Variants in PDE4B observed in about 807,000 individuals in gnomAD.
PDE4B encodes 3',5'-cyclic-AMP phosphodiesterase 4B.
A neutral mutation model predicts 82.2 loss-of-function variants in PDE4B; 20 were observed. The observed-to-expected ratio is 0.24, with a 90% CI of 0.17 to 0.35. The LOEUF (loss-of-function observed/expected upper bound fraction) is 0.35, where lower values mean the gene tolerates loss of function less well. Among genes scored for constraint, PDE4B ranks in the 10% least tolerant of loss-of-function variants. The probability of loss-of-function intolerance (pLI) is 1.00; values close to 1 mark genes in which losing one functional copy is unlikely to be tolerated. For missense variants in PDE4B, 655 were observed against 907.2 expected (o/e 0.72, Z 3.57); for synonymous variants, 320 against 318.9 (o/e 1.00, Z -0.04).
At chr1:66,187,790 G>A (rs1197981050) in intron 3 of PDE4B, among the ~76,000 whole-genome samples, 1 of 151,670 alleles carries the variant, frequency 6.6e-6, no homozygotes, top group Non-Finnish European at 1.5e-5. Flanking sequence ...ACCAGCTCCT[G>A]GATTCATTGA....
chr1:65,817,032 G>T (rs567334451), intron 1 of PDE4B, among the ~76,000 whole-genome samples: 1 of 152,252 alleles, frequency 6.6e-6, no homozygotes, highest in African/African-American at 2.4e-5. Flanking sequence ...ATTTTTGGGG[G>T]TGCACAATGT....
chr1:66,036,905 C>G (rs572331280), intron 3 of PDE4B, among the ~76,000 whole-genome samples: 1 of 152,114 alleles, frequency 6.6e-6, no homozygotes, highest in East Asian at 1.9e-4. Flanking sequence ...GGGGCCAACA[C>G]AGGCAGATCA....
intron 3 of PDE4B, among the ~76,000 whole-genome samples, chr1:66,140,011 C>T (rs142289411): frequency 3.6e-4 from 55 of 152,318 alleles, no homozygotes; most frequent in African/African-American, 1.2e-3. Flanking sequence ...ATGCTAGCTA[C>T]TGAAGCAGAT....
At chr1:65,829,064 A>G (rs1646051464) in intron 1 of PDE4B, among the ~76,000 whole-genome samples, 1 of 150,776 alleles carries the variant, frequency 6.6e-6, no homozygotes, top group Admixed American at 6.6e-5. Context: ...TACGAACAAC[A>G]ACAACAAAAC....
chr1:66,170,960 C>T (rs1012102863), intron 3 of PDE4B, among the ~76,000 whole-genome samples: 2 of 152,156 alleles, frequency 1.3e-5, no homozygotes, highest in Non-Finnish European at 2.9e-5. Flanking sequence ...TTGAACTGCT[C>T]TGAATGTCAA....
At chr1:66,208,641 A>T (rs1350470050) in intron 3 of PDE4B, among the ~76,000 whole-genome samples, 1 of 152,192 alleles carries the variant, frequency 6.6e-6, no homozygotes, top group East Asian at 1.9e-4. Context: ...CAAAATCTTA[A>T]TTTCCTATAA....
At chr1:65,944,542 T>C (rs1027012349) in intron 3 of PDE4B, among the ~76,000 whole-genome samples, 1 of 151,866 alleles carries the variant, frequency 6.6e-6, no homozygotes, top group East Asian at 1.9e-4. Flanking sequence ...GGCAGATAAA[T>C]TGATAGTTGA....
chr1:66,237,303 A>G (rs774772535), intron 3 of PDE4B, among the ~76,000 whole-genome samples: 1 of 152,222 alleles, frequency 6.6e-6, no homozygotes, highest in African/African-American at 2.4e-5. Context: ...AGGCTGAGGC[A>G]TTGATTTCCA....
At position 66,295,131 on chromosome 1, in the gene PDE4B, G is replaced by A. The variant is rs116043460; in HGVS notation, c.634+29044G>A. Among the ~76,000 whole-genome samples, 746 of 152,278 alleles carry A rather than the reference G, an allele frequency of 4.9e-3. 4 individuals carry two copies. Among genetic ancestry groups the A allele is most frequent in the African/African-American group, 0.017 (714 of 41,562 alleles). On this transcript the variant is annotated intron_variant, in intron 7 of 16. Transcript: ENST00000341517. ...GATCAGGGACTTCGAAGTAGGGGAAGTGTTTAAGAACCTGGGACAGGTTTG... is the reference window on the plus strand; with the variant it reads ...GATCAGGGACTTCGAAGTAGGGGAAATGTTTAAGAACCTGGGACAGGTTTG...
intron 1 of PDE4B, among the ~76,000 whole-genome samples, chr1:65,903,258 C>T (rs1427205746): frequency 1.3e-5 from 2 of 152,064 alleles, no homozygotes; most frequent in African/African-American, 4.8e-5. Context: ...ATATTTGTTC[C>T]TTCTGGCCTC....
intron 3 of PDE4B, among the ~76,000 whole-genome samples, chr1:65,936,236 A>G (rs1360148613): frequency 3.9e-5 from 6 of 151,908 alleles, no homozygotes; most frequent in African/African-American, 1.5e-4. Flanking sequence ...CTTCTGGAAT[A>G]CCTCCTGAAG....
At chr1:66,172,658 T>C (rs1385704448) in intron 3 of PDE4B, among the ~76,000 whole-genome samples, 2 of 152,234 alleles carry the variant, frequency 1.3e-5, no homozygotes, top group Non-Finnish European at 2.9e-5. Flanking sequence ...TATTGTAAGA[T>C]GGTAGCTCAT....
At position 66,107,745 on chromosome 1, in the gene PDE4B, T is replaced by C. The variant is rs116474519; in HGVS notation, c.282-139715T>C. The stretch of plus-strand genomic sequence containing the variant: ...TAGATAAAGTAAGTCTTTCTGAAGA[T>C]TGGATACTGTAAAATCCAAAACTAT... On this transcript the variant is annotated intron_variant, in intron 3 of 16. Coordinates refer to ENST00000341517, the MANE Select transcript of PDE4B (RefSeq NM_002600.4). 3.6e-3 allele frequency among the ~76,000 whole-genome samples: 545 copies of C among 152,034 alleles called. 6 individuals are homozygous for C. Among genetic ancestry groups the C allele is most frequent in the African/African-American group, 0.012 (512 of 41,530 alleles).
chr1:66,023,625 A>T (rs1438624765), intron 3 of PDE4B, among the ~76,000 whole-genome samples: 1 of 152,188 alleles, frequency 6.6e-6, no homozygotes, highest in Admixed American at 6.6e-5. Flanking sequence ...GGTTAACAAC[A>T]TTCTATTGAT....
chr1:66,112,255 A>G (rs1645504115), intron 3 of PDE4B, among the ~76,000 whole-genome samples: 1 of 152,164 alleles, frequency 6.6e-6, no homozygotes, highest in African/African-American at 2.4e-5. Context: ...AACTCTTCCA[A>G]ATTTAATGTT....
At chr1:66,251,553 A>T (rs1273233641) in intron 4 of PDE4B, among the ~76,000 whole-genome samples, 1 of 152,228 alleles carries the variant, frequency 6.6e-6, no homozygotes, top group African/African-American at 2.4e-5. Flanking sequence ...GGGTACGGAA[A>T]CATTAGAAGT....
At chr1:65,844,768 T>C (rs1646250044) in intron 1 of PDE4B, among the ~76,000 whole-genome samples, 5 of 152,180 alleles carry the variant, frequency 3.3e-5, no homozygotes, top group Admixed American at 3.3e-4. Flanking sequence ...ATACTAGGCA[T>C]TCTCTTCTTC....
At chr1:65,863,286 G>A (rs1646475304) in intron 1 of PDE4B, among the ~76,000 whole-genome samples, 1 of 152,112 alleles carries the variant, frequency 6.6e-6, no homozygotes. Flanking sequence ...GGAGCAGGTT[G>A]TTCAGTTTCC....
intron 3 of PDE4B, among the ~76,000 whole-genome samples, chr1:65,941,950 G>A (rs763534623): frequency 4.6e-5 from 7 of 152,002 alleles, no homozygotes; most frequent in Non-Finnish European, 1.0e-4. Context: ...TCCTGCGATA[G>A]TCTCTGCTTC....
Sources: gnomAD v4.1 joint callset for allele counts (sites outside exome capture counted in the v4.1 genomes callset) on GRCh38, gnomAD v4.1.1 for gene constraint, MANE v1.5 for transcripts, NCBI Gene and HGNC (gene_info 2026-07-23, HGNC 2026-07-21) for gene names.